ACAP2: variants seen among roughly 807,000 people sequenced by gnomAD.
The protein encoded by ACAP2 is ArfGAP with coiled-coil, ankyrin repeat and PH domains 2.
A neutral mutation model predicts 115.8 loss-of-function variants in ACAP2; 39 were observed. The observed-to-expected ratio is 0.34, with a 90% CI of 0.26 to 0.44. The LOEUF is 0.44. ACAP2 is among the 20% of genes least tolerant of loss of function. The pLI, the probability that ACAP2 is intolerant of heterozygous loss-of-function variation, is 1.00. For missense variants in ACAP2, 662 were observed against 927.6 expected (o/e 0.71, Z 3.72); for synonymous variants, 289 against 315.8 (o/e 0.92, Z 0.90).
chr3:195,428,217 ATATG>A (rs1293339608), intron 1 of ACAP2, among the ~76,000 whole-genome samples: 1 of 151,130 alleles, frequency 6.6e-6, no homozygotes. Flanking sequence ...AGTCATAATT[ATATG>A]TATGTATATA....
At chr3:195,295,371 T>A in intron 17 of ACAP2, 1 of 948,460 alleles carries the variant, frequency 1.1e-6, no homozygotes, top group Non-Finnish European at 1.4e-6. Flanking sequence ...AAAACGTTAC[T>A]GGGAAAAAAT....
chr3:195,288,993 T>C (rs1727054055), intron 21 of ACAP2, 128 bp downstream of exon 21: 1 of 622,470 alleles, frequency 1.6e-6, no homozygotes, highest in Non-Finnish European at 2.8e-6. Context: ...CATACCATTT[T>C]ATATAAGGGA....
At chr3:195,439,257 G>C (rs1351370088) in intron 1 of ACAP2, among the ~76,000 whole-genome samples, 1 of 149,460 alleles carries the variant, frequency 6.7e-6, no homozygotes, top group Admixed American at 6.7e-5. Context: ...GGAGTGCAGA[G>C]GTGTGAACAT....
At chr3:195,332,979 A>G (rs747779611) in intron 8 of ACAP2, 49 bp downstream of exon 8, 1 of 1,393,664 alleles carries the variant, frequency 7.2e-7, no homozygotes, top group South Asian at 1.2e-5. Flanking sequence ...CTTTAAAAAT[A>G]CAAATACCAA....
chr3:195,330,218 T>C (rs1271399780), intron 8 of ACAP2, among the ~76,000 whole-genome samples: 1 of 152,224 alleles, frequency 6.6e-6, no homozygotes, highest in Non-Finnish European at 1.5e-5. Context: ...ATTGGCTGTA[T>C]ATTAACCCTC....
At chr3:195,361,522 G>A (rs1185798618) in intron 4 of ACAP2, among the ~76,000 whole-genome samples, 1 of 151,548 alleles carries the variant, frequency 6.6e-6, no homozygotes, top group Non-Finnish European at 1.5e-5. Context: ...ATGGGATATA[G>A]TAAAAGCAGT....
intron 10 of ACAP2, among the ~76,000 whole-genome samples, chr3:195,317,603 C>A (rs1729181851): frequency 6.6e-6 from 1 of 152,096 alleles, no homozygotes; most frequent in African/African-American, 2.4e-5. Flanking sequence ...GAAGTTATTT[C>A]ATTTTAGTAT....
At chr3:195,435,185 T>C (rs568379624) in intron 1 of ACAP2, among the ~76,000 whole-genome samples, 1 of 150,486 alleles carries the variant, frequency 6.6e-6, no homozygotes, top group South Asian at 2.1e-4. Flanking sequence ...TGAGATCTCT[T>C]TTTTTTTTAG....
chr3:195,317,624 G>C (rs1378744080), intron 10 of ACAP2, among the ~76,000 whole-genome samples: 1 of 152,088 alleles, frequency 6.6e-6, no homozygotes, highest in African/African-American at 2.4e-5. Flanking sequence ...ATTACTACAT[G>C]AGAAAATACA....
At position 195,381,985 on chromosome 3, in the gene ACAP2, T is replaced by C. The variant is rs1292707698; in HGVS notation, c.149A>G (p.Lys50Arg). The C allele has an allele frequency of 1.2e-6, 2 of 1,611,504 alleles. No homozygotes were observed. The highest frequency in any genetic ancestry group is 1.7e-6 in the Non-Finnish European group (2 of 1,179,282). ...CTGTTTATTTGCAACACAAAAGGCT[T>C]TTCCAGTATCAATCATTGCAATACA... Reference protein sequence around the residue: ...KLCIAMIDTGKAFCVANKQFM... With the variant: ...KLCIAMIDTGRAFCVANKQFM... The change falls in exon 3 of 23, where the codon AAA becomes AGA. Residue 50 changes from lysine (K) to arginine (R), a missense_variant. By Grantham distance (26) the Lys-to-Arg change is conservative. This residue lies in a region of ACAP2 where 401 missense variants were observed against 604.4 expected (regional missense o/e 0.66). Transcript: ENST00000326793.
chr3:195,326,099 T>C (rs1729777777), intron 9 of ACAP2, among the ~76,000 whole-genome samples: 1 of 152,222 alleles, frequency 6.6e-6, no homozygotes, highest in Non-Finnish European at 1.5e-5. Context: ...ACTGGTATTT[T>C]AAATTCTAAA....
intron 8 of ACAP2, among the ~76,000 whole-genome samples, chr3:195,331,547 A>G (rs561759488): frequency 2.2e-4 from 33 of 151,926 alleles, no homozygotes; most frequent in Admixed American, 2.0e-4. Flanking sequence ...TCCTGGCCTC[A>G]TGTAATCTGC....
At chr3:195,325,474 G>C (rs1392824480) in intron 9 of ACAP2, 1 of 424,424 alleles carries the variant, frequency 2.4e-6, no homozygotes, top group Non-Finnish European at 4.6e-6. Context: ...AGCATTTAGG[G>C]GCAGAAAAGA....
At chr3:195,363,669 T>C (rs1732522693) in intron 4 of ACAP2, among the ~76,000 whole-genome samples, 1 of 151,228 alleles carries the variant, frequency 6.6e-6, no homozygotes, top group Non-Finnish European at 1.5e-5. Flanking sequence ...GCCAAAACTA[T>C]CCTAAGCAAA....
chr3:195,414,577 AAC>A (rs1476309663), intron 1 of ACAP2, among the ~76,000 whole-genome samples: 1 of 152,216 alleles, frequency 6.6e-6, no homozygotes, highest in African/African-American at 2.4e-5. Flanking sequence ...ACATCCAGAC[AAC>A]AGAGTATCAT....
At chr3:195,352,215 A>G (rs1025287493) in intron 4 of ACAP2, among the ~76,000 whole-genome samples, 6 of 152,158 alleles carry the variant, frequency 3.9e-5, no homozygotes, top group Non-Finnish European at 8.8e-5. Flanking sequence ...CATGCTGTAT[A>G]GGTTTGCAGC....
intron 4 of ACAP2, among the ~76,000 whole-genome samples, chr3:195,377,136 A>ATATTTTTTTTTTT (rs1478091442): frequency 1.1e-5 from 1 of 89,756 alleles, no homozygotes; most frequent in African/African-American, 4.6e-5. Context: ...AGGAATGTAA[A>ATATTTTTTTTTTT]TCTTTTTTTT....
chr3:195,308,968 T>C, intron 10 of ACAP2, 131 bp from the exon 11 acceptor site: 1 of 845,692 alleles, frequency 1.2e-6, no homozygotes, highest in South Asian at 1.9e-5. Context: ...CACTGTATTA[T>C]TTTGCTTTAT....
chr3:195,286,458 T>C (rs559432424), intron 21 of ACAP2, among the ~76,000 whole-genome samples: 1 of 152,330 alleles, frequency 6.6e-6, no homozygotes, highest in Admixed American at 6.5e-5. Context: ...AAGCTAAGTA[T>C]TTCCTTTAAG....
Sources: allele counts gnomAD v4.1 joint callset (sites outside exome capture counted in the v4.1 genomes callset), GRCh38; gene constraint gnomAD v4.1.1; regional missense constraint gnomAD v4.1.1; transcripts MANE v1.5; gene names NCBI Gene and HGNC (gene_info 2026-07-23, HGNC 2026-07-21).